Variants in ZZZ3 observed in about 807,000 individuals in gnomAD.
ZZZ3 encodes ZZ-type zinc finger-containing protein 3.
Under a neutral mutation model 95.2 loss-of-function variants are expected in ZZZ3, and 22 were observed. The ratio of observed to expected loss-of-function variants is 0.23; its 90% confidence interval spans 0.17 to 0.33. The LOEUF is 0.33. Among genes scored for constraint, ZZZ3 ranks in the 10% least tolerant of loss-of-function variants. ZZZ3 has a pLI of 1.00. For synonymous variants in ZZZ3, 335 were observed against 358.9 expected (o/e 0.93, Z 0.75); for missense variants, 885 against 1,066.5 (o/e 0.83, Z 2.37).
At chr1:77,677,803 A>C (rs1221688056) in intron 1 of ZZZ3, among the ~76,000 whole-genome samples, 2 of 152,222 alleles carry the variant, frequency 1.3e-5, no homozygotes, top group African/African-American at 4.8e-5. Context: ...AGGACATGAA[A>C]TTAAATGTTT....
chr1:77,618,740 CTTG>C (rs1389245724), intron 5 of ZZZ3, among the ~76,000 whole-genome samples: 1 of 152,086 alleles, frequency 6.6e-6, no homozygotes, highest in African/African-American at 2.4e-5. Flanking sequence ...CTTTATTGTC[CTTG>C]TTAGTTTTAA....
In ZZZ3 at chr1:77,565,353, T is replaced by C; in HGVS notation, c.*287A>G. The C allele has an allele frequency of 3.5e-6, 1 of 286,454 alleles. No homozygotes were observed. Among genetic ancestry groups the C allele is most frequent in the Non-Finnish European group, 6.4e-6 (1 of 155,872 alleles). The allele number at this position is 286,454 out of a possible 1,614,324, so 17.7% of individuals were successfully genotyped here. A position where few individuals can be genotyped will look rare whatever the true frequency, so the allele number is the denominator to read the frequency against. On this transcript the variant is annotated 3_prime_UTR_variant, in exon 15 of 15. Transcript: ENST00000370801. ...GAAACCTTTGGAATTTACTCTCTCT[T>C]TAATGTGTGCTCTCGTTCCATCTCA...
At chr1:77,589,517 G>A (rs960403928) in intron 5 of ZZZ3, among the ~76,000 whole-genome samples, 25 of 151,480 alleles carry the variant, frequency 1.7e-4, no homozygotes, top group African/African-American at 5.8e-4. Context: ...AGCTCACTGC[G>A]GCCTCAAACT....
At chr1:77,649,331 A>G (rs1372327904) in intron 1 of ZZZ3, among the ~76,000 whole-genome samples, 2 of 152,202 alleles carry the variant, frequency 1.3e-5, no homozygotes, top group African/African-American at 2.4e-5. Context: ...GCCAGAAAAC[A>G]GTGAGGTATA....
At chr1:77,584,168 T>G (rs968492773) in intron 6 of ZZZ3, among the ~76,000 whole-genome samples, 12 of 152,152 alleles carry the variant, frequency 7.9e-5, no homozygotes, top group African/African-American at 2.9e-4. Flanking sequence ...TCTGAAGTAC[T>G]TTTTTCTTTT....
At chr1:77,579,324 C>T (rs1352597089) in intron 10 of ZZZ3, among the ~76,000 whole-genome samples, 3 of 152,054 alleles carry the variant, frequency 2.0e-5, no homozygotes, top group Admixed American at 6.5e-5. Flanking sequence ...TTTAATATTT[C>T]GTAATGATCC....
rs572173357 is a variant in ZZZ3 at position 77,581,140 on chromosome 1, C to G, written c.1909-71G>C. ...TATCCTTTGATATAGCCAAATAACA[C>G]GCAAATTGTGGAATTTTTAAATTAA... On this transcript the variant is annotated intron_variant, in intron 8 of 14. Coordinates refer to ENST00000370801, the MANE Select transcript of ZZZ3 (RefSeq NM_015534.6). 13 of 1,166,376 alleles carry G rather than the reference C, an allele frequency of 1.1e-5. No homozygotes were observed. In the African/African-American group the frequency reaches 1.7e-4, roughly 15 times the overall value. The allele number at this position is 1,166,376 out of a possible 1,614,324, so 72.3% of individuals were successfully genotyped here.
At chr1:77,648,700 G>T (rs1669526018) in intron 1 of ZZZ3, among the ~76,000 whole-genome samples, 1 of 152,124 alleles carries the variant, frequency 6.6e-6, no homozygotes, top group African/African-American at 2.4e-5. Context: ...CCATGAATGA[G>T]ATATAGAATA....
chr1:77,580,890 T>C, intron 9 of ZZZ3, 108 bp downstream of exon 9: 1 of 904,300 alleles, frequency 1.1e-6, no homozygotes, highest in South Asian at 1.4e-5. Flanking sequence ...CCTCCCAAAG[T>C]GCTGGGATTA....
intron 5 of ZZZ3, among the ~76,000 whole-genome samples, chr1:77,607,108 G>A (rs1665308907): frequency 6.6e-6 from 1 of 152,154 alleles, no homozygotes; most frequent in Non-Finnish European, 1.5e-5. Flanking sequence ...CTTGAGACTG[G>A]GTAATTTGGA....
intron 1 of ZZZ3, among the ~76,000 whole-genome samples, chr1:77,661,245 T>A (rs979045142): frequency 4.6e-5 from 7 of 151,974 alleles, no homozygotes; most frequent in Non-Finnish European, 7.4e-5. Context: ...AAACCCCGTC[T>A]CTACTAAAAA....
chr1:77,626,513 C>G (rs1428975386), intron 5 of ZZZ3, among the ~76,000 whole-genome samples: 8 of 152,180 alleles, frequency 5.3e-5, no homozygotes, highest in Non-Finnish European at 1.0e-4. Context: ...AGATCCCTCA[C>G]ATGCATGGTT....
At chr1:77,672,649 T>G (rs947010480) in intron 1 of ZZZ3, among the ~76,000 whole-genome samples, 1 of 152,232 alleles carries the variant, frequency 6.6e-6, no homozygotes, top group Non-Finnish European at 1.5e-5. Flanking sequence ...TGATAAATAC[T>G]GAGAACCACT....
At chr1:77,627,111 G>GT (rs1304620182) in intron 5 of ZZZ3, among the ~76,000 whole-genome samples, 1 of 152,132 alleles carries the variant, frequency 6.6e-6, no homozygotes, top group Non-Finnish European at 1.5e-5. Context: ...AGCCCATGAA[G>GT]TAAGTCCTCA....
intron 6 of ZZZ3, 96 bp downstream of exon 6, chr1:77,584,421 T>G: frequency 7.9e-7 from 1 of 1,257,944 alleles, no homozygotes; most frequent in Non-Finnish European, 1.1e-6. Flanking sequence ...ATTAAACATT[T>G]TAAAAAGTAT....
chr1:77,654,185 C>CAAAAA (rs749067016), intron 1 of ZZZ3, among the ~76,000 whole-genome samples: 6 of 66,270 alleles, frequency 9.1e-5, no homozygotes, highest in Admixed American at 1.8e-4. Flanking sequence ...GACTCCATCT[C>CAAAAA]AAAAAAAAAA....
rs114452108 is a variant in ZZZ3, at chr1:77,629,722, C to T, written c.1505+2128G>A. ...ATCAGTAATTTTTTCCCCAATGTCA[C>T]CCAATGAGGCATTAATTTGAAAACA... On this transcript the variant is annotated intron_variant, in intron 5 of 14. Transcript: ENST00000370801. Among the ~76,000 whole-genome samples, 661 of 152,282 alleles carry T rather than the reference C, an allele frequency of 4.3e-3. 1 individual carries two copies. Among genetic ancestry groups the T allele is most frequent in the Middle Eastern group, 0.024 (7 of 292 alleles).
At chr1:77,676,406 G>A (rs956374347) in intron 1 of ZZZ3, among the ~76,000 whole-genome samples, 2 of 152,172 alleles carry the variant, frequency 1.3e-5, no homozygotes, top group Admixed American at 6.5e-5. Flanking sequence ...GGGCTGAAGC[G>A]ATCCTTCCAC....
intron 12 of ZZZ3, among the ~76,000 whole-genome samples, chr1:77,570,960 C>A (rs978377051): frequency 1.3e-5 from 2 of 150,474 alleles, no homozygotes; most frequent in Admixed American, 1.3e-4. Flanking sequence ...TGAGCCACTG[C>A]GCCTGGCCCC....
Sources: gnomAD v4.1 joint callset for allele counts (sites outside exome capture counted in the v4.1 genomes callset) on GRCh38, gnomAD v4.1.1 for gene constraint, MANE v1.5 for transcripts, NCBI Gene and HGNC (gene_info 2026-07-23, HGNC 2026-07-21) for gene names.